Variants in C2CD3 observed in about 807,000 individuals in gnomAD.
The protein encoded by C2CD3 is C2 domain-containing protein 3.
In C2CD3, 148 loss-of-function variants were observed where a neutral mutation model predicts 234.0. The observed-to-expected ratio is 0.63, with a 90% CI of 0.55 to 0.72. The LOEUF is 0.72. Ranked by LOEUF, C2CD3 falls within the 30% of genes least tolerant of loss-of-function variation. The pLI is 0.00. For missense variants in C2CD3, 2,577 were observed against 2,811.5 expected (o/e 0.92, Z 1.89); for synonymous variants, 1,000 against 1,035.4 (o/e 0.97, Z 0.66).
chr11:74,086,025 G>A, intron 20 of C2CD3, 139 bp from the exon 21 acceptor site: 1 of 855,452 alleles, frequency 1.2e-6, no homozygotes, highest in Non-Finnish European at 1.8e-6. Context: ...TAGGCTTTTG[G>A]CAGTGCCACA....
chr11:74,131,457 T>C (rs1431367487), intron 7 of C2CD3, among the ~76,000 whole-genome samples: 1 of 152,154 alleles, frequency 6.6e-6, no homozygotes, highest in Non-Finnish European at 1.5e-5. Flanking sequence ...TGCTTGGTCA[T>C]AGTATAAAAT....
At position 74,139,840 on chromosome 11, in the gene C2CD3, A is replaced by G. The variant is rs188596395; in HGVS notation, c.484-12T>C. On this transcript the variant is annotated splice_polypyrimidine_tract_variant and intron_variant, in intron 3 of 32. Coordinates refer to ENST00000334126, the MANE Select transcript of C2CD3 (RefSeq NM_001286577.2). Reference sequence around the variant, plus strand: ...AGGGCAAGTGAGACCTAAGAGAGACAGGTAGTATATGAGAAATTTTCTTTA... The same window carrying G: ...AGGGCAAGTGAGACCTAAGAGAGACGGGTAGTATATGAGAAATTTTCTTTA... 2.4e-5 allele frequency: 37 copies of G among 1,539,614 alleles called. No individual in the cohort carries two copies. Among genetic ancestry groups the G allele is most frequent in the Admixed American group, 8.4e-5 (5 of 59,858 alleles).
At chr11:74,095,781 G>A (rs79018858) in intron 16 of C2CD3, among the ~76,000 whole-genome samples, 6,031 of 152,156 alleles carry the variant, frequency 0.04, 184 homozygotes, top group South Asian at 0.13. Flanking sequence ...ATAATAAATC[G>A]TAAATTTAGA....
At chr11:74,085,590 T>C in intron 21 of C2CD3, 28 bp downstream of exon 21, 1 of 1,610,314 alleles carries the variant, frequency 6.2e-7, no homozygotes, top group Non-Finnish European at 8.5e-7. Context: ...CTTTTAATTT[T>C]GATTGTGACA....
intron 3 of C2CD3, among the ~76,000 whole-genome samples, chr11:74,158,123 G>A (rs1565355257): frequency 6.6e-6 from 1 of 152,134 alleles, no homozygotes; most frequent in Non-Finnish European, 1.5e-5. Context: ...CATTGGTCCA[G>A]GCAAGGATTT....
intron 7 of C2CD3, among the ~76,000 whole-genome samples, chr11:74,132,421 C>T (rs575457678): frequency 6.6e-6 from 1 of 152,178 alleles, no homozygotes; most frequent in East Asian, 1.9e-4. Flanking sequence ...CCTCTATATA[C>T]ATCATTTTTA....
In C2CD3 at chr11:74,037,370, T is replaced by C. The variant is rs979511196; in HGVS notation, c.5881+108A>G. ...AAAAAAAGGAAGAGGGTGAAAACAA[T>C]TGGTCTCTATTTGTCATAGGGGCTT... On this transcript the variant is annotated intron_variant, in intron 30 of 32. Transcript: ENST00000334126. 8.3e-6 allele frequency: 7 copies of C among 844,656 alleles called. No homozygotes were observed. In the African/African-American group the frequency reaches 8.5e-5, roughly 10 times the overall value. The allele number at this position is 844,656 out of a possible 1,614,324, so 52.3% of individuals were successfully genotyped here.
At position 74,129,810 on chromosome 11, in the gene C2CD3, C is replaced by T. The variant is rs1031663987; in HGVS notation, c.1217+3034G>A. The T allele has an allele frequency of 1.9e-4, 37 of 191,442 alleles. 1 individual carries two copies. The highest frequency in any genetic ancestry group is 1.4e-3 in the Admixed American group (24 of 16,578). The allele number at this position is 191,442 out of a possible 1,614,324, so 11.9% of individuals were successfully genotyped here. A position where few individuals can be genotyped will look rare whatever the true frequency, so the allele number is the denominator to read the frequency against. On this transcript the variant is annotated intron_variant, in intron 7 of 32. Coordinates refer to ENST00000334126, the MANE Select transcript of C2CD3 (RefSeq NM_001286577.2). ...ATTGAGCACTGCGTGAACGAGACTC[C>T]GTCTGCAATCCCGGCACCTCGTGAG...
intron 5 of C2CD3, among the ~76,000 whole-genome samples, chr11:74,136,557 C>T (rs1957866927): frequency 6.6e-6 from 1 of 152,174 alleles, no homozygotes; most frequent in African/African-American, 2.4e-5. Context: ...TAAGTCTGAG[C>T]TTGTGTTTTC....
chr11:74,138,674 CCA>C, intron 5 of C2CD3, 44 bp downstream of exon 5: 1 of 1,501,794 alleles, frequency 6.7e-7, no homozygotes, highest in Admixed American at 1.7e-5. Flanking sequence ...CAGAGCAATC[CCA>C]TAAACGTAGT....
intron 9 of C2CD3, among the ~76,000 whole-genome samples, chr11:74,114,925 C>T (rs957318848): frequency 6.6e-6 from 1 of 151,930 alleles, no homozygotes; most frequent in Non-Finnish European, 1.5e-5. Flanking sequence ...TGGTCTTGAA[C>T]TCCCGGACTC....
chr11:74,166,312 G>C (rs369119348), intron 2 of C2CD3, among the ~76,000 whole-genome samples: 1 of 133,260 alleles, frequency 7.5e-6, no homozygotes, highest in Non-Finnish European at 1.6e-5. Context: ...GTGAGACTCC[G>C]TCTTAAAAAA....
intron 32 of C2CD3, among the ~76,000 whole-genome samples, chr11:74,022,299 G>C (rs1053999166): frequency 2.0e-5 from 3 of 152,148 alleles, no homozygotes; most frequent in Non-Finnish European, 4.4e-5. Context: ...GCTTCTGGCA[G>C]GAGTAACTAC....
intron 3 of C2CD3, among the ~76,000 whole-genome samples, chr11:74,141,465 G>T (rs923847239): frequency 2.0e-5 from 3 of 152,154 alleles, no homozygotes; most frequent in Non-Finnish European, 4.4e-5. Context: ...AGAAACAAAG[G>T]AGACACTGAG....
intron 26 of C2CD3, 100 bp downstream of exon 26, chr11:74,054,507 G>GAAAA (rs869085401): frequency 9.3e-4 from 255 of 275,386 alleles, no homozygotes; most frequent in South Asian, 3.2e-3. Flanking sequence ...ACTTGGTTTG[G>GAAAA]AAAAAAAAAA....
At chr11:74,077,799 A>AATCTCTT (rs1565262987) in intron 23 of C2CD3, among the ~76,000 whole-genome samples, 5 of 17,000 alleles carry the variant, frequency 2.9e-4, no homozygotes, top group Non-Finnish European at 5.6e-4. Flanking sequence ...ATATATATAT[A>AATCTCTT]TATATATATA....
chr11:74,047,406 G>A (rs984688348), intron 28 of C2CD3, among the ~76,000 whole-genome samples: 1 of 152,190 alleles, frequency 6.6e-6, no homozygotes, highest in Non-Finnish European at 1.5e-5. Context: ...TGGTCAAAGT[G>A]ACACTTTTAT....
chr11:74,103,666 T>C (rs200944739), intron 13 of C2CD3, 41 bp from the exon 14 acceptor site: 7 of 1,541,068 alleles, frequency 4.5e-6, no homozygotes, highest in East Asian at 2.3e-5. Flanking sequence ...AGAATGTCCT[T>C]TAGAATTGGA....
At position 74,150,507 on chromosome 11, in the gene C2CD3, A is replaced by AC. The variant is rs1565348055; in HGVS notation, c.484-10680_484-10679insG. Among the ~76,000 whole-genome samples, 8 of 77,038 alleles carry AC rather than the reference A, an allele frequency of 1.0e-4. No homozygotes were observed. The Admixed American group carries it at 1.2e-3, about 12-fold the overall frequency. 50.5% of individuals were successfully genotyped at this position (77,038 alleles called of 152,430 possible). ...GACCCTGTCTCAAAAAAAAAAAAAA[A>AC]AAAAAAAACAAAAAAAAAACAAAAC... On this transcript the variant is annotated intron_variant, in intron 3 of 32. Transcript: ENST00000334126.
Sources: gnomAD v4.1 joint callset for allele counts (sites outside exome capture counted in the v4.1 genomes callset) on GRCh38, gnomAD v4.1.1 for gene constraint, MANE v1.5 for transcripts, NCBI Gene and HGNC (gene_info 2026-07-23, HGNC 2026-07-21) for gene names.